DCAF17: variants seen among roughly 807,000 people sequenced by gnomAD.
The protein encoded by DCAF17 is DDB1 and CUL4 associated factor 17.
DCAF17 carries 48 observed loss-of-function variants against 66.0 expected under a neutral mutation model. The ratio of observed to expected loss-of-function variants is 0.73; its 90% CI spans 0.58 to 0.92. DCAF17 has a LOEUF of 0.92. Among genes scored for constraint, DCAF17 ranks in the 40% least tolerant of loss-of-function variants. DCAF17 has a pLI of 0.00. For synonymous variants in DCAF17, 206 were observed against 214.6 expected (o/e 0.96, Z 0.35); for missense variants, 562 against 622.8 (o/e 0.90, Z 1.04).
intron 2 of DCAF17, among the ~76,000 whole-genome samples, chr2:171,438,410 CT>C (rs2105723077): frequency 6.6e-6 from 1 of 152,268 alleles, no homozygotes; most frequent in East Asian, 1.9e-4. Context: ...TAATTACTAA[CT>C]TTCTGCCAGC....
At chr2:171,453,043 A>G (rs1282266214) in intron 5 of DCAF17, 81 bp from the exon 6 acceptor site, 4 of 960,270 alleles carry the variant, frequency 4.2e-6, no homozygotes, top group African/African-American at 3.3e-5. Context: ...GCTAGAACAG[A>G]TGGATTTTTT....
chr2:171,466,519 C>A (rs1695906761), intron 8 of DCAF17, among the ~76,000 whole-genome samples: 1 of 152,044 alleles, frequency 6.6e-6, no homozygotes, highest in Middle Eastern at 3.2e-3. Flanking sequence ...TGTCCACACC[C>A]ATCATAAAAT....
chr2:171,452,743 C>T (rs1357023595), intron 5 of DCAF17, among the ~76,000 whole-genome samples: 1 of 152,194 alleles, frequency 6.6e-6, no homozygotes, highest in Admixed American at 6.5e-5. Context: ...GAATTATAGG[C>T]GTGAGCTACC....
At chr2:171,455,388 T>C (rs920966061) in intron 6 of DCAF17, among the ~76,000 whole-genome samples, 2 of 152,242 alleles carry the variant, frequency 1.3e-5, no homozygotes, top group African/African-American at 4.8e-5. Flanking sequence ...TACAACATTT[T>C]CGTTACCCAG....
At chr2:171,450,654 A>C (rs1354141628) in intron 5 of DCAF17, among the ~76,000 whole-genome samples, 2 of 152,294 alleles carry the variant, frequency 1.3e-5, no homozygotes, top group African/African-American at 4.8e-5. Flanking sequence ...ACACCTAGAA[A>C]AAGCAAATAC....
intron 2 of DCAF17, 87 bp from the exon 3 acceptor site, chr2:171,443,436 T>A (rs1377912969): frequency 8.1e-6 from 9 of 1,106,138 alleles, no homozygotes; most frequent in Non-Finnish European, 1.2e-5. Flanking sequence ...GTATTTCACA[T>A]CTCTGAATAA....
At chr2:171,440,276 G>A (rs1212290322) in intron 2 of DCAF17, among the ~76,000 whole-genome samples, 2 of 152,158 alleles carry the variant, frequency 1.3e-5, no homozygotes, top group Non-Finnish European at 2.9e-5. Flanking sequence ...GGCTATATAT[G>A]ATATGATATA....
At chr2:171,451,576 T>TTTTGC in intron 5 of DCAF17, among the ~76,000 whole-genome samples, 1 of 152,160 alleles carries the variant, frequency 6.6e-6, no homozygotes. Flanking sequence ...AGAATTTTTG[T>TTTTGC]TTTGTTTTGT....
chr2:171,438,882 A>G (rs1470256706), intron 2 of DCAF17, among the ~76,000 whole-genome samples: 2 of 108,588 alleles, frequency 1.8e-5, no homozygotes, highest in African/African-American at 3.2e-5. Context: ...GACTATAGGC[A>G]TGTGGCTATT....
intron 8 of DCAF17, among the ~76,000 whole-genome samples, chr2:171,467,472 T>C (rs1056534005): frequency 6.6e-6 from 1 of 152,078 alleles, no homozygotes; most frequent in African/African-American, 2.4e-5. Flanking sequence ...GCGGATCGCT[T>C]GTGGCCAGGA....
chr2:171,458,598 C>A, intron 8 of DCAF17, 121 bp downstream of exon 8: 1 of 764,040 alleles, frequency 1.3e-6, no homozygotes, highest in East Asian at 2.7e-5. Context: ...TCATTTTACT[C>A]CTATACATCA....
At chr2:171,455,545 G>A (rs1574356392) in intron 6 of DCAF17, among the ~76,000 whole-genome samples, 2 of 152,248 alleles carry the variant, frequency 1.3e-5, no homozygotes, top group Non-Finnish European at 1.5e-5. Context: ...GGGATTGCAG[G>A]GTTAAATGGT....
chr2:171,468,124 A>G (rs925528607), intron 8 of DCAF17, among the ~76,000 whole-genome samples: 1 of 152,150 alleles, frequency 6.6e-6, no homozygotes, highest in Non-Finnish European at 1.5e-5. Context: ...TGCATCTAAG[A>G]ATAGATCTAT....
At chr2:171,451,062 G>A (rs1000228952) in intron 5 of DCAF17, among the ~76,000 whole-genome samples, 2 of 150,980 alleles carry the variant, frequency 1.3e-5, no homozygotes, top group Admixed American at 1.3e-4. Flanking sequence ...AAAAAGTTAA[G>A]TAGTTCCTTT....
At chr2:171,480,951 C>T (rs73976167) in intron 13 of DCAF17, 23 bp from the exon 14 acceptor site, 2 of 1,613,184 alleles carry the variant, frequency 1.2e-6, no homozygotes, top group Non-Finnish European at 8.5e-7. Flanking sequence ...AAAAGGACTC[C>T]ATATGATTGT....
chr2:171,474,301 C>T (rs1696396627), intron 10 of DCAF17: 1 of 326,184 alleles, frequency 3.1e-6, no homozygotes, highest in Non-Finnish European at 5.8e-6. Context: ...TTCTGAAAGG[C>T]AGCCTAGACA....
At chr2:171,462,758 A>G (rs1695659534) in intron 8 of DCAF17, among the ~76,000 whole-genome samples, 1 of 152,236 alleles carries the variant, frequency 6.6e-6, no homozygotes, top group Admixed American at 6.5e-5. Flanking sequence ...TGTACAATTA[A>G]AACATTGTTT....
In DCAF17 at chr2:171,434,407, CCTCGCCCCG is replaced by C; in HGVS notation, c.-169_-161del. ...TGGCGGTGCAAGCGGCTCTGCTTTC[CCTCGCCCCG>C]CCGTCGGGTGCTCCCTGCCCGCCTC... On this transcript the variant is annotated 5_prime_UTR_variant, in exon 1 of 14. Coordinates refer to ENST00000375255, the MANE Select transcript of DCAF17 (RefSeq NM_025000.4). 8.5e-7 allele frequency: 1 copy of C among 1,179,948 alleles called. No individual in the cohort carries two copies. Among genetic ancestry groups the C allele is most frequent in the East Asian group, 2.6e-5 (1 of 38,316 alleles). 73.1% of individuals were successfully genotyped at this position (1,179,948 alleles called of 1,614,324 possible).
At position 171,481,977 on chromosome 2, in the gene DCAF17, A is replaced by G. The variant is rs887266932; in HGVS notation, c.*863A>G. On this transcript the variant is annotated 3_prime_UTR_variant, in exon 14 of 14. Transcript: ENST00000375255. ...CCTGCAGTAGTTCTGTTTCCTGTAG[A>G]AAAGTGGATAAAGAGTCCCAGAAGA... 5 of 453,966 alleles carry G rather than the reference A, an allele frequency of 1.1e-5. No individual in the cohort carries two copies. Among genetic ancestry groups the G allele is most frequent in the African/African-American group, 8.0e-5 (4 of 50,006 alleles). 28.1% of individuals were successfully genotyped at this position (453,966 alleles called of 1,614,324 possible). A position where few individuals can be genotyped will look rare whatever the true frequency, so the allele number is the denominator to read the frequency against.
Sources: allele counts gnomAD v4.1 joint callset (sites outside exome capture counted in the v4.1 genomes callset), GRCh38; gene constraint gnomAD v4.1.1; transcripts MANE v1.5; gene names NCBI Gene and HGNC (gene_info 2026-07-23, HGNC 2026-07-21).